Variants in PTPRD observed in about 807,000 individuals in gnomAD.
The protein encoded by PTPRD is protein tyrosine phosphatase receptor type D, also known as receptor-type tyrosine-protein phosphatase delta.
PTPRD carries 34 observed loss-of-function variants against 214.5 expected under a neutral mutation model. The ratio of observed to expected loss-of-function variants is 0.16; its 90% confidence interval spans 0.12 to 0.21. The LOEUF is 0.21. Among genes scored for constraint, PTPRD ranks in the 10% least tolerant of loss-of-function variants. The probability of loss-of-function intolerance (pLI) is 1.00; values close to 1 mark genes in which losing one functional copy is unlikely to be tolerated. For synonymous variants in PTPRD, 1,128 were observed against 845.7 expected (o/e 1.33, Z -5.79); for missense variants, 2,545 against 2,398.7 (o/e 1.06, Z -1.27).
chr9:8,911,440 T>TGTGTGA lies in PTPRD; in HGVS notation c.-104+107256_-104+107257insTCACAC, dbSNP rs1171435442. ...TTGTGTGTGTGTGTGTGTGTGTGTG[T>TGTGTGA]GAGAGAGAGAGAGAGACAAAGAGAG... On this transcript the variant is annotated intron_variant, in intron 11 of 45. Coordinates refer to ENST00000381196, the MANE Select transcript of PTPRD (RefSeq NM_002839.4). Among the ~76,000 whole-genome samples, 533 of 149,096 alleles carry TGTGTGA rather than the reference T, an allele frequency of 3.6e-3. 4 individuals are homozygous for TGTGTGA. Among genetic ancestry groups the TGTGTGA allele is most frequent in the African/African-American group, 0.013 (514 of 40,452 alleles).
At chr9:9,838,881 A>C (rs2057559929) in intron 5 of PTPRD, among the ~76,000 whole-genome samples, 1 of 152,100 alleles carries the variant, frequency 6.6e-6, no homozygotes, top group Non-Finnish European at 1.5e-5. Context: ...GTTTTCTTCT[A>C]GGATTTTTAT....
chr9:9,797,053 G>T (rs1253531726), intron 5 of PTPRD, among the ~76,000 whole-genome samples: 1 of 152,068 alleles, frequency 6.6e-6, no homozygotes, highest in Non-Finnish European at 1.5e-5. Flanking sequence ...GGATATCTGA[G>T]AGCAAAGACA....
intron 11 of PTPRD, among the ~76,000 whole-genome samples, chr9:8,880,220 A>C (rs1255250049): frequency 6.6e-6 from 1 of 152,146 alleles, no homozygotes; most frequent in Non-Finnish European, 1.5e-5. Flanking sequence ...TATTTGATAT[A>C]AGCTGGGAGG....
At chr9:9,451,651 T>A (rs1463988477) in intron 8 of PTPRD, among the ~76,000 whole-genome samples, 3 of 151,628 alleles carry the variant, frequency 2.0e-5, no homozygotes, top group Non-Finnish European at 4.4e-5. Context: ...TCACATAGAC[T>A]TTTTATATAA....
intron 4 of PTPRD, among the ~76,000 whole-genome samples, chr9:9,980,837 G>T (rs956336994): frequency 5.0e-5 from 7 of 140,366 alleles, no homozygotes; most frequent in Non-Finnish European, 7.7e-5. Flanking sequence ...TCACAGAAAA[G>T]GAGTTTAAAT....
At chr9:10,299,125 G>A (rs1003823883) in intron 3 of PTPRD, among the ~76,000 whole-genome samples, 34 of 152,008 alleles carry the variant, frequency 2.2e-4, no homozygotes, top group Admixed American at 6.6e-5. Context: ...TTTTACATTT[G>A]TAAATGTAAT....
intron 9 of PTPRD, among the ~76,000 whole-genome samples, chr9:9,228,039 T>C (rs1270248427): frequency 1.3e-5 from 2 of 152,156 alleles, no homozygotes; most frequent in Admixed American, 6.6e-5. Context: ...AGGCTGTCTA[T>C]ATCATGTCAG....
chr9:9,242,554 T>C (rs1021241833), intron 9 of PTPRD, among the ~76,000 whole-genome samples: 1 of 152,154 alleles, frequency 6.6e-6, no homozygotes, highest in Non-Finnish European at 1.5e-5. Flanking sequence ...TTATTCTTTT[T>C]TCTCTAAACT....
At chr9:10,026,108 T>C (rs111744129) in intron 4 of PTPRD, among the ~76,000 whole-genome samples, 174 of 152,322 alleles carry the variant, frequency 1.1e-3, no homozygotes, top group African/African-American at 4.1e-3. Context: ...AATGTACTGA[T>C]GAGAAAGTGC....
At chr9:8,563,198 G>C (rs2087169578) in intron 14 of PTPRD, among the ~76,000 whole-genome samples, 1 of 152,058 alleles carries the variant, frequency 6.6e-6, no homozygotes, top group Admixed American at 6.6e-5. Context: ...ATAGTGACAG[G>C]GTGATGACTG....
chr9:9,939,218 C>T (rs537546882), intron 4 of PTPRD, among the ~76,000 whole-genome samples: 12 of 152,142 alleles, frequency 7.9e-5, no homozygotes, highest in African/African-American at 2.4e-4. Context: ...ATAGGCTTGA[C>T]GAAAACCATA....
At chr9:9,480,751 T>C (rs547252533) in intron 8 of PTPRD, among the ~76,000 whole-genome samples, 1 of 152,016 alleles carries the variant, frequency 6.6e-6, no homozygotes, top group Non-Finnish European at 1.5e-5. Flanking sequence ...ATAGTCTTGA[T>C]AAAAATACAA....
intron 14 of PTPRD, among the ~76,000 whole-genome samples, chr9:8,629,635 G>T (rs2096180969): frequency 6.6e-6 from 1 of 151,756 alleles, no homozygotes; most frequent in Non-Finnish European, 1.5e-5. Flanking sequence ...TTCACTTAAA[G>T]TTCTGCTTAG....
chr9:9,419,628 T>C (rs1043392174), intron 8 of PTPRD, among the ~76,000 whole-genome samples: 1 of 151,758 alleles, frequency 6.6e-6, no homozygotes, highest in Non-Finnish European at 1.5e-5. Flanking sequence ...TTCATGTTTT[T>C]GATATTATAA....
At chr9:8,994,213 TA>T (rs2154350058) in intron 11 of PTPRD, among the ~76,000 whole-genome samples, 1 of 152,264 alleles carries the variant, frequency 6.6e-6, no homozygotes, top group East Asian at 1.9e-4. Flanking sequence ...TTGCTTTAAA[TA>T]ACTTGCTTAA....
At chr9:8,688,697 C>G (rs2097742880) in intron 12 of PTPRD, among the ~76,000 whole-genome samples, 1 of 152,026 alleles carries the variant, frequency 6.6e-6, no homozygotes, top group Non-Finnish European at 1.5e-5. Flanking sequence ...TCATAACACA[C>G]AGGCCATAAT....
At chr9:9,744,282 A>G (rs2098437025) in intron 6 of PTPRD, among the ~76,000 whole-genome samples, 1 of 152,146 alleles carries the variant, frequency 6.6e-6, no homozygotes, top group Admixed American at 6.5e-5. Context: ...TTGGAGGGAA[A>G]TGAGTCGTTT....
intron 8 of PTPRD, among the ~76,000 whole-genome samples, chr9:9,476,599 C>T (rs1245573315): frequency 6.6e-6 from 1 of 152,178 alleles, no homozygotes; most frequent in East Asian, 1.9e-4. Flanking sequence ...TAGCATGTGG[C>T]CTCTATAATA....
At chr9:10,010,470 AT>A (rs2096574098) in intron 4 of PTPRD, among the ~76,000 whole-genome samples, 1 of 151,546 alleles carries the variant, frequency 6.6e-6, no homozygotes, top group East Asian at 1.9e-4. Context: ...GAGGGAGGGG[AT>A]TGGTGAAAAA....
Sources: allele counts gnomAD v4.1 joint callset (sites outside exome capture counted in the v4.1 genomes callset), GRCh38; gene constraint gnomAD v4.1.1; transcripts MANE v1.5; gene names NCBI Gene and HGNC (gene_info 2026-07-23, HGNC 2026-07-21).